Variants in SNX25 observed in about 807,000 individuals in gnomAD.
SNX25 encodes sorting nexin-25.
In SNX25, 62 loss-of-function variants were observed where a neutral mutation model predicts 113.7. The ratio of observed to expected loss-of-function variants is 0.55; its 90% confidence interval spans 0.44 to 0.67. The LOEUF is 0.67. Ranked by LOEUF, SNX25 falls within the 30% of genes least tolerant of loss-of-function variation. The pLI is 0.00. For missense variants in SNX25, 1,014 were observed against 1,161.0 expected (o/e 0.87, Z 1.84); for synonymous variants, 421 against 436.2 (o/e 0.97, Z 0.43).
At chr4:185,337,227 T>C (rs1469168348) in intron 10 of SNX25, among the ~76,000 whole-genome samples, 2 of 152,196 alleles carry the variant, frequency 1.3e-5, no homozygotes, top group African/African-American at 2.4e-5. Context: ...CTGAAACTAT[T>C]AAACAATACC....
intron 9 of SNX25, among the ~76,000 whole-genome samples, chr4:185,328,967 A>G (rs1240181398): frequency 6.6e-6 from 1 of 152,144 alleles, no homozygotes; most frequent in Non-Finnish European, 1.5e-5. Context: ...GTTCATCTGC[A>G]GGCTCAAAAG....
intron 5 of SNX25, among the ~76,000 whole-genome samples, chr4:185,276,361 C>G (rs1027530851): frequency 1.3e-5 from 2 of 152,210 alleles, no homozygotes; most frequent in Non-Finnish European, 2.9e-5. Flanking sequence ...TGATCAATTT[C>G]TAGTGGTCAA....
At chr4:185,216,619 A>C (rs1738883527) in intron 1 of SNX25, among the ~76,000 whole-genome samples, 2 of 147,980 alleles carry the variant, frequency 1.4e-5, no homozygotes, top group African/African-American at 5.1e-5. Flanking sequence ...TCCTGGGTTC[A>C]AGCGATTCTC....
At chr4:185,248,393 C>T (rs1217087317) in intron 2 of SNX25, among the ~76,000 whole-genome samples, 1 of 152,142 alleles carries the variant, frequency 6.6e-6, no homozygotes, top group African/African-American at 2.4e-5. Flanking sequence ...TGTGGTGGCT[C>T]ATGCCTGTAA....
intron 6 of SNX25, among the ~76,000 whole-genome samples, chr4:185,299,839 G>A (rs896973543): frequency 3.3e-5 from 5 of 152,112 alleles, no homozygotes; most frequent in African/African-American, 1.2e-4. Flanking sequence ...CATATTTAAG[G>A]TGATTCAAGA....
chr4:185,229,738 C>A (rs926666389), intron 1 of SNX25, among the ~76,000 whole-genome samples: 4 of 152,120 alleles, frequency 2.6e-5, no homozygotes, highest in African/African-American at 9.7e-5. Context: ...AGGTTTTAAC[C>A]ATGTTAAATT....
intron 1 of SNX25, among the ~76,000 whole-genome samples, chr4:185,221,790 G>GT (rs61593583): frequency 0.65 from 98,981 of 151,658 alleles, 32,404 homozygotes; most frequent in East Asian, 0.76. Context: ...TTTATATATT[G>GT]TTCTCCTGCC....
intron 11 of SNX25, among the ~76,000 whole-genome samples, chr4:185,341,039 G>C (rs554434494): frequency 6.6e-6 from 1 of 152,214 alleles, no homozygotes; most frequent in South Asian, 2.1e-4. Context: ...GCCTCACAGA[G>C]TGGGTGCTCA....
downstream of SNX25, chr4:185,364,875 C>T (rs935459897): frequency 3.3e-5 from 5 of 152,330 alleles, no homozygotes; most frequent in East Asian, 1.9e-4. Flanking sequence ...TCTATGCTAT[C>T]ATTTAAACTG....
chr4:185,300,651 A>G (rs949116464), intron 6 of SNX25, among the ~76,000 whole-genome samples: 2 of 152,154 alleles, frequency 1.3e-5, no homozygotes, highest in South Asian at 2.1e-4. Flanking sequence ...ACAATTCCAC[A>G]TTTATGAATG....
chr4:185,291,274 A>G (rs1752125658), intron 6 of SNX25, among the ~76,000 whole-genome samples: 1 of 152,140 alleles, frequency 6.6e-6, no homozygotes, highest in African/African-American at 2.4e-5. Flanking sequence ...TTACATTCAT[A>G]CTGTTCTGTA....
rs143929504 is a variant in SNX25 at position 185,212,463 on chromosome 4, A to ATTTG, written c.429+2209_429+2210insTTGT. Among the ~76,000 whole-genome samples, 89 of 119,398 alleles carry ATTTG rather than the reference A, an allele frequency of 7.5e-4. 5 individuals are homozygous for ATTTG. The highest frequency in any genetic ancestry group is 1.9e-3 in the African/African-American group (58 of 30,822). 78.3% of individuals were successfully genotyped at this position (119,398 alleles called of 152,430 possible). A position where few individuals can be genotyped will look rare whatever the true frequency, so the allele number is the denominator to read the frequency against. On this transcript the variant is annotated intron_variant, in intron 1 of 18. Transcript: ENST00000652585. The stretch of plus-strand genomic sequence containing the variant: ...TGCTGTATTTCCAATAATTTGTGTG[A>ATTTG]TGTGTGTGTGTGTGTGTGTGTGTGT...
the SNX25 span, chr4:185,375,751 AT>A: frequency 1.4e-6 from 2 of 1,460,618 alleles, no homozygotes; most frequent in Non-Finnish European, 1.9e-6. Context: ...AAGATATTTA[AT>A]TATTTTTATT....
chr4:185,349,435 G>A (rs184844061), intron 13 of SNX25, among the ~76,000 whole-genome samples: 19 of 152,250 alleles, frequency 1.2e-4, no homozygotes, highest in African/African-American at 4.3e-4. Flanking sequence ...ATCCAGTACT[G>A]ACATTGCTGG....
chr4:185,357,930 G>A (rs1471864203), intron 16 of SNX25, among the ~76,000 whole-genome samples, 193 bp downstream of exon 16: 1 of 152,172 alleles, frequency 6.6e-6, no homozygotes, highest in Non-Finnish European at 1.5e-5. Context: ...GAATGCATAT[G>A]GCAAGTTAGA....
chr4:185,249,236 T>C (rs1745296109), intron 2 of SNX25, among the ~76,000 whole-genome samples: 1 of 152,236 alleles, frequency 6.6e-6, no homozygotes, highest in Admixed American at 6.5e-5. Flanking sequence ...TCCAAAATGA[T>C]TGTCTCTTTT....
intron 5 of SNX25, among the ~76,000 whole-genome samples, chr4:185,284,342 T>C (rs1452629812): frequency 6.6e-6 from 1 of 152,132 alleles, no homozygotes; most frequent in Non-Finnish European, 1.5e-5. Flanking sequence ...AAAACAGCAA[T>C]ATGAAAGAGT....
Position 185,221,974 on chromosome 4 carries a change from A to G in SNX25, c.429+11719A>G, listed in dbSNP as rs1452594497. On this transcript the variant is annotated intron_variant, in intron 1 of 18. Transcript: ENST00000652585. ...TATACCCCTCCTTCACGGTAGGAAT[A>G]TAGCGCCATATACCCCTCCTTCATG... Among the ~76,000 whole-genome samples the G allele has an allele frequency of 1.3e-4, 19 of 148,714 alleles. 1 individual carries two copies. Among genetic ancestry groups the G allele is most frequent in the Non-Finnish European group, 2.7e-4 (18 of 66,804 alleles).
chr4:185,206,938 G>A (rs1337217382), upstream of SNX25, among the ~76,000 whole-genome samples: 1 of 152,178 alleles, frequency 6.6e-6, no homozygotes, highest in Non-Finnish European at 1.5e-5. Context: ...GGCTGCTAGT[G>A]TAACCTGGAG....
Sources: allele counts gnomAD v4.1 joint callset (sites outside exome capture counted in the v4.1 genomes callset), GRCh38; gene constraint gnomAD v4.1.1; transcripts MANE v1.5; gene names NCBI Gene and HGNC (gene_info 2026-07-23, HGNC 2026-07-21).